The following DAB1 variants were observed in gnomAD, a reference collection of about 807,000 sequenced individuals.
DAB1 encodes DAB adaptor protein 1.
In DAB1, 15 loss-of-function variants were observed where a neutral mutation model predicts 64.6. The ratio of observed to expected loss-of-function variants is 0.23; its 90% CI spans 0.16 to 0.36. The LOEUF is 0.36. Among genes scored for constraint, DAB1 ranks in the 10% least tolerant of loss-of-function variants. The pLI, the probability that DAB1 is intolerant of heterozygous loss-of-function variation, is 1.00. For missense variants in DAB1, 596 were observed against 706.7 expected (o/e 0.84, Z 1.78); for synonymous variants, 235 against 251.9 (o/e 0.93, Z 0.64).
intron 4 of DAB1, among the ~76,000 whole-genome samples, chr1:57,089,661 G>A (rs1446800053): frequency 1.3e-5 from 2 of 152,240 alleles, no homozygotes; most frequent in East Asian, 1.9e-4. Flanking sequence ...TAAGCCATGC[G>A]GGATCCGTCC....
At chr1:57,006,915 C>A (rs916087936) in intron 14 of DAB1, among the ~76,000 whole-genome samples, 1 of 152,144 alleles carries the variant, frequency 6.6e-6, no homozygotes, top group African/African-American at 2.4e-5. Flanking sequence ...AGGATGTATG[C>A]TTACCTAAGG....
At chr1:57,005,211 C>A (rs1279607567) in intron 14 of DAB1, among the ~76,000 whole-genome samples, 17 of 152,296 alleles carry the variant, frequency 1.1e-4, no homozygotes, top group Non-Finnish European at 1.5e-5. Flanking sequence ...GAAGAACATT[C>A]TATTTCCCCG....
chr1:57,534,902 CA>C (rs1221045405), intron 7 of DAB1, among the ~76,000 whole-genome samples: 1 of 152,146 alleles, frequency 6.6e-6, no homozygotes, highest in Non-Finnish European at 1.5e-5. Context: ...AATCATGTTA[CA>C]AAAACTCTTT....
chr1:57,565,418 T>C (rs970928769), intron 7 of DAB1, among the ~76,000 whole-genome samples: 2 of 152,108 alleles, frequency 1.3e-5, no homozygotes, highest in African/African-American at 2.4e-5. Context: ...AATTCACACA[T>C]AACAATATTA....
At chr1:57,889,456 G>T (rs1644273911) in intron 5 of DAB1, among the ~76,000 whole-genome samples, 1 of 152,222 alleles carries the variant, frequency 6.6e-6, no homozygotes, top group Non-Finnish European at 1.5e-5. Context: ...CTGTTCAAGT[G>T]ACAGGATTCT....
intron 4 of DAB1, among the ~76,000 whole-genome samples, chr1:57,076,752 T>C (rs545242560): frequency 2.0e-5 from 3 of 152,348 alleles, no homozygotes; most frequent in African/African-American, 7.2e-5. Context: ...CCAAGGAACC[T>C]ACCTTGATAC....
chr1:57,762,022 A>G (rs1649111496), intron 6 of DAB1, among the ~76,000 whole-genome samples: 1 of 152,178 alleles, frequency 6.6e-6, no homozygotes. Flanking sequence ...ACAGAGCGTC[A>G]TTTGCATTTT....
intron 6 of DAB1, among the ~76,000 whole-genome samples, chr1:57,728,990 A>C (rs1310049088): frequency 2.0e-5 from 3 of 152,210 alleles, no homozygotes; most frequent in African/African-American, 7.2e-5. Context: ...TCGACTTTGT[A>C]GGTGACTCAT....
At chr1:57,062,589 C>A (rs1177467008) in intron 9 of DAB1, among the ~76,000 whole-genome samples, 3 of 152,180 alleles carry the variant, frequency 2.0e-5, no homozygotes, top group Admixed American at 1.3e-4. Flanking sequence ...GACTTTTGCC[C>A]TAGAACACCT....
At chr1:57,741,757 T>C (rs1648006950) in intron 6 of DAB1, among the ~76,000 whole-genome samples, 2 of 152,198 alleles carry the variant, frequency 1.3e-5, no homozygotes, top group African/African-American at 4.8e-5. Flanking sequence ...TGAGAAATAC[T>C]GTAGTGATGT....
chr1:57,259,753 C>CA (rs1208194831), intron 2 of DAB1, among the ~76,000 whole-genome samples: 1 of 152,182 alleles, frequency 6.6e-6, no homozygotes, highest in Non-Finnish European at 1.5e-5. Context: ...TTCCCTCTGC[C>CA]AATTGCTGCC....
chr1:57,987,450 G>A (rs1297324433), intron 5 of DAB1, among the ~76,000 whole-genome samples: 1 of 152,216 alleles, frequency 6.6e-6, no homozygotes, highest in Non-Finnish European at 1.5e-5. Context: ...GCATAGGAAG[G>A]TGAAGTTTAT....
intron 5 of DAB1, among the ~76,000 whole-genome samples, chr1:58,010,888 T>C (rs1646658458): frequency 6.6e-6 from 1 of 152,256 alleles, no homozygotes; most frequent in Admixed American, 6.5e-5. Context: ...CAGTACCAAC[T>C]GATTGATGCT....
chr1:57,983,098 G>A (rs891972381), intron 5 of DAB1, among the ~76,000 whole-genome samples: 6 of 152,098 alleles, frequency 3.9e-5, no homozygotes, highest in Non-Finnish European at 7.4e-5. Flanking sequence ...TACTCAATTA[G>A]ATCATTGGTC....
chr1:57,059,280 A>T (rs1021625892), intron 9 of DAB1, among the ~76,000 whole-genome samples: 2 of 151,988 alleles, frequency 1.3e-5, no homozygotes, highest in Non-Finnish European at 1.5e-5. Flanking sequence ...CTGCTCAGGG[A>T]CTCTCAGGAA....
chr1:58,414,485 G>A (rs1485791025), intron 3 of DAB1, among the ~76,000 whole-genome samples: 1 of 152,210 alleles, frequency 6.6e-6, no homozygotes, highest in African/African-American at 2.4e-5. Context: ...ATTTTGTTTA[G>A]TGTTTATTTC....
At chr1:58,350,675 T>C (rs1456701625) in intron 3 of DAB1, among the ~76,000 whole-genome samples, 1 of 152,224 alleles carries the variant, frequency 6.6e-6, no homozygotes, top group East Asian at 1.9e-4. Flanking sequence ...TTTCTGCATA[T>C]GCCTAGCCAG....
At chr1:58,043,550 C>T (rs1410190609) in intron 5 of DAB1, among the ~76,000 whole-genome samples, 1 of 152,206 alleles carries the variant, frequency 6.6e-6, no homozygotes, top group Non-Finnish European at 1.5e-5. Flanking sequence ...ATGATGTCCT[C>T]ACAGTCACTC....
intron 2 of DAB1, among the ~76,000 whole-genome samples, chr1:57,148,899 G>C (rs922542955): frequency 2.6e-5 from 4 of 152,080 alleles, no homozygotes; most frequent in African/African-American, 9.7e-5. Context: ...AGAATCCAGT[G>C]GGTTTAGTAT....
Sources: allele counts gnomAD v4.1 joint callset (sites outside exome capture counted in the v4.1 genomes callset), GRCh38; gene constraint gnomAD v4.1.1; transcripts MANE v1.5; gene names NCBI Gene and HGNC (gene_info 2026-07-23, HGNC 2026-07-21).